DOT1L: variants seen among roughly 807,000 people sequenced by gnomAD.
DOT1L encodes DOT1 like histone lysine methyltransferase, also known as histone-lysine N-methyltransferase, H3 lysine-79 specific.
A neutral mutation model predicts 153.3 loss-of-function variants in DOT1L; 33 were observed. The observed-to-expected ratio is 0.22, with a 90% CI of 0.16 to 0.29. DOT1L has a LOEUF of 0.29. DOT1L is among the 10% of genes least tolerant of loss of function. The pLI, the probability that DOT1L is intolerant of heterozygous loss-of-function variation, is 1.00. For missense variants in DOT1L, 1,847 were observed against 2,119.9 expected (o/e 0.87, Z 2.53); for synonymous variants, 1,135 against 965.1 (o/e 1.18, Z -3.26).
intron 1 of DOT1L, among the ~76,000 whole-genome samples, chr19:2,171,354 C>G (rs2021607861): frequency 1.3e-5 from 2 of 152,196 alleles, no homozygotes; most frequent in South Asian, 4.1e-4. Context: ...GTACTGAGCC[C>G]TCTTCTTCCT....
At chr19:2,228,071 C>T (rs965462579) in intron 27 of DOT1L, 4 of 1,321,282 alleles carry the variant, frequency 3.0e-6, no homozygotes, top group Admixed American at 2.2e-5. Flanking sequence ...TGCAGAGCCT[C>T]GCGTCCCTCC....
At chr19:2,187,460 G>C (rs948328730) in intron 3 of DOT1L, among the ~76,000 whole-genome samples, 1 of 152,222 alleles carries the variant, frequency 6.6e-6, no homozygotes, top group Non-Finnish European at 1.5e-5. Flanking sequence ...GTTGGAGCTG[G>C]CAGGGCCACC....
Position 2,193,609 on chromosome 19 carries a change from C to T in DOT1L, c.494-80C>T, listed in dbSNP as rs923251660. ...GGTCTTCATGGCCGCATTCTTGTGG[C>T]CTCTGTCTCCGAGCCTAGCACGGCC... On this transcript the variant is annotated intron_variant, in intron 5 of 27. Coordinates refer to ENST00000398665, the MANE Select transcript of DOT1L (RefSeq NM_032482.3). The surrounding 1 kb of genome is among the most constrained non-coding windows in gnomAD (Gnocchi z 5.9). 1.8e-5 allele frequency: 25 copies of T among 1,386,608 alleles called. No individual in the cohort carries two copies. The highest frequency in any genetic ancestry group is 2.5e-5 in the Non-Finnish European group (25 of 987,360). 85.9% of individuals were successfully genotyped at this position (1,386,608 alleles called of 1,614,324 possible).
intron 1 of DOT1L, among the ~76,000 whole-genome samples, chr19:2,168,021 C>T (rs142033294): frequency 1.0e-3 from 158 of 152,312 alleles, no homozygotes; most frequent in Non-Finnish European, 1.7e-3. Context: ...AGGCGTGAAC[C>T]ACCGTGCCCA....
intron 7 of DOT1L, among the ~76,000 whole-genome samples, chr19:2,196,717 C>A (rs1196602919): frequency 6.6e-6 from 1 of 152,232 alleles, no homozygotes; most frequent in East Asian, 1.9e-4. Context: ...CCTTTCCTCT[C>A]CCTTTCCCGT....
intron 1 of DOT1L, among the ~76,000 whole-genome samples, chr19:2,166,271 T>G (rs1254135377): frequency 1.3e-5 from 2 of 151,186 alleles, no homozygotes; most frequent in Non-Finnish European, 2.9e-5. Flanking sequence ...TAATTTTGTA[T>G]TTTTAGTAGA....
intron 1 of DOT1L, among the ~76,000 whole-genome samples, chr19:2,177,832 G>A (rs2022024035): frequency 6.6e-6 from 1 of 151,890 alleles, no homozygotes; most frequent in Non-Finnish European, 1.5e-5. Flanking sequence ...TGCGACCTTG[G>A]CTCACTGCAA....
At chr19:2,211,043 C>G in intron 14 of DOT1L, 56 bp from the exon 15 acceptor site, 1 of 1,552,064 alleles carries the variant, frequency 6.4e-7, no homozygotes, top group Non-Finnish European at 8.8e-7. Context: ...GCTGACGCCT[C>G]TGCCCACCGC....
chr19:2,187,926 A>AG (rs1484922706), intron 3 of DOT1L, among the ~76,000 whole-genome samples: 2 of 150,170 alleles, frequency 1.3e-5, no homozygotes, highest in East Asian at 2.0e-4. Context: ...CATCTCAGAA[A>AG]AAAAAAAAAA....
chr19:2,203,913 G>A (rs533808618), intron 9 of DOT1L, among the ~76,000 whole-genome samples: 9 of 152,222 alleles, frequency 5.9e-5, no homozygotes, highest in Non-Finnish European at 1.3e-4. Context: ...GAAGACAGGC[G>A]CTCTGGGGGT....
chr19:2,219,886 G>T (rs2024046229), intron 22 of DOT1L, among the ~76,000 whole-genome samples: 1 of 152,200 alleles, frequency 6.6e-6, no homozygotes, highest in African/African-American at 2.4e-5. Context: ...CCTGCCTCAG[G>T]CCCGCTGCCC....
At chr19:2,221,920 A>G (rs1330636095) in intron 23 of DOT1L, 56 bp from the exon 24 acceptor site, 85 of 1,500,884 alleles carry the variant, frequency 5.7e-5, no homozygotes, top group East Asian at 4.7e-5. Context: ...TCCCACAGCA[A>G]GGCTTTCTCT....
intron 1 of DOT1L, among the ~76,000 whole-genome samples, chr19:2,167,734 CTTTTT>C (rs66826356): frequency 7.4e-6 from 1 of 134,726 alleles, no homozygotes; most frequent in Non-Finnish European, 1.6e-5. Context: ...CTTTTCTTTT[CTTTTT>C]TTTTTTTTTT....
In DOT1L at chr19:2,230,495, T is replaced by C. The variant is rs530444697; in HGVS notation, c.*703T>C. On this transcript the variant is annotated 3_prime_UTR_variant, in exon 28 of 28. Coordinates refer to ENST00000398665, the MANE Select transcript of DOT1L (RefSeq NM_032482.3). ...CTGGCCATGTGCTGCGCGATGGTGC[T>C]GTGAGGACGGCGCGGGCACGTTGAA... 1 of 398,958 alleles carries C rather than the reference T, an allele frequency of 2.5e-6. No homozygotes were observed. The highest frequency in any genetic ancestry group is 4.4e-6 in the Non-Finnish European group (1 of 226,280). The allele number at this position is 398,958 out of a possible 1,614,324, so 24.7% of individuals were successfully genotyped here.
Position 2,220,450 on chromosome 19 carries a change from A to G in DOT1L, c.2806+228A>G, listed in dbSNP as rs2024074998. On this transcript the variant is annotated intron_variant, in intron 23 of 27. Transcript: ENST00000398665. This position sits in a 1 kb window ranked among gnomAD's most constrained non-coding sequence, Gnocchi z 4.5. ...CGGCCTCATACCTGGGTCTCCCGAC[A>G]CTGACACCTCCTGCTTGGGTGTATT... 1 of 649,672 alleles carries G rather than the reference A, an allele frequency of 1.5e-6. No homozygotes were observed. The highest frequency in any genetic ancestry group is 1.8e-5 in the African/African-American group (1 of 55,740). 40.2% of individuals were successfully genotyped at this position (649,672 alleles called of 1,614,324 possible). A position where few individuals can be genotyped will look rare whatever the true frequency, so the allele number is the denominator to read the frequency against.
At chr19:2,218,217 C>CAT (rs1359588956) in intron 22 of DOT1L, among the ~76,000 whole-genome samples, 1 of 152,204 alleles carries the variant, frequency 6.6e-6, no homozygotes, top group Non-Finnish European at 1.5e-5. Context: ...CACGAGGCCA[C>CAT]ATTGGCTGCC....
chr19:2,228,954 G>A, intron 27 of DOT1L: 3 of 985,420 alleles, frequency 3.0e-6, no homozygotes, highest in Non-Finnish European at 3.6e-6. Flanking sequence ...GGGGGCTGAT[G>A]GGTTCCCGGC....
chr19:2,211,825 C>T lies in DOT1L; in HGVS notation c.1540C>T (p.Leu514=), dbSNP rs2023725981. 6.4e-7 allele frequency: 1 copy of T among 1,569,746 alleles called. No individual in the cohort carries two copies. The highest frequency in any genetic ancestry group is 1.9e-5 in the Admixed American group (1 of 53,362). Residue 514 remains leucine (L), a synonymous_variant, in exon 16 of 28, where the codon CTG becomes TTG. Transcript: ENST00000398665. ...TPQYKASLQE[L]LGQEKEKNAQ... ...CCAGTACAAGGCCAGCCTGCAGGAG[C>T]TGCTGGGCCAGGAGAAGGTGGGTCC...
At chr19:2,187,567 G>A (rs1291385111) in intron 3 of DOT1L, among the ~76,000 whole-genome samples, 1 of 152,182 alleles carries the variant, frequency 6.6e-6, no homozygotes, top group Non-Finnish European at 1.5e-5. Context: ...TCTCTTCCCA[G>A]GAGCGTGCAG....
Sources: allele counts gnomAD v4.1 joint callset (sites outside exome capture counted in the v4.1 genomes callset), GRCh38; gene constraint gnomAD v4.1.1; non-coding constraint Gnocchi (gnomAD v3.1); transcripts MANE v1.5; gene names NCBI Gene and HGNC (gene_info 2026-07-23, HGNC 2026-07-21).